Variants in SMYD3 observed in about 807,000 individuals in gnomAD.
SMYD3 encodes the protein histone-lysine N-methyltransferase SMYD3.
SMYD3 carries 36 observed loss-of-function variants against 57.7 expected under a neutral mutation model. The ratio of observed to expected loss-of-function variants is 0.62; its 90% CI spans 0.48 to 0.82. The LOEUF is 0.82. Ranked by LOEUF, SMYD3 falls within the 40% of genes least tolerant of loss-of-function variation. The pLI is 0.00. For synonymous variants in SMYD3, 211 were observed against 195.0 expected, an observed-to-expected ratio of 1.08 and a Z score of -0.68; for missense variants, 515 against 538.8, an observed-to-expected ratio of 0.96 and a Z score of 0.44.
At chr1:246,024,406 AG>A (rs66521309) in intron 5 of SMYD3, among the ~76,000 whole-genome samples, 1 of 7,454 alleles carries the variant, frequency 1.3e-4, no homozygotes. Context: ...GCATCTAGGA[AG>A]GAGATACAGG....
intron 5 of SMYD3, among the ~76,000 whole-genome samples, chr1:246,298,878 T>TA (rs928828472): frequency 3.3e-5 from 5 of 151,952 alleles, no homozygotes; most frequent in Non-Finnish European, 5.9e-5. Context: ...ATCAAATAAC[T>TA]AAAAAATGAA....
At chr1:246,264,112 T>C (rs2148528719) in intron 5 of SMYD3, among the ~76,000 whole-genome samples, 1 of 152,296 alleles carries the variant, frequency 6.6e-6, no homozygotes, top group African/African-American at 2.4e-5. Flanking sequence ...AGATTTCGAA[T>C]ACAGACTTCT....
At chr1:246,031,581 T>C (rs935615561) in intron 5 of SMYD3, among the ~76,000 whole-genome samples, 3 of 151,474 alleles carry the variant, frequency 2.0e-5, no homozygotes, top group African/African-American at 7.3e-5. Context: ...ACTAAAAATA[T>C]AAAAAATTAG....
chr1:245,758,064 G>A (rs1376039909), intron 11 of SMYD3, among the ~76,000 whole-genome samples: 3 of 152,076 alleles, frequency 2.0e-5, no homozygotes, highest in South Asian at 4.1e-4. Flanking sequence ...ATGAACATGA[G>A]ATGTCATTCT....
chr1:246,394,720 A>T (rs2066630042), intron 1 of SMYD3, among the ~76,000 whole-genome samples: 1 of 151,370 alleles, frequency 6.6e-6, no homozygotes, highest in Non-Finnish European at 1.5e-5. Context: ...TCCCGAACCT[A>T]GCTATGCCTT....
At chr1:246,060,721 C>T (rs1424802109) in intron 5 of SMYD3, among the ~76,000 whole-genome samples, 1 of 152,104 alleles carries the variant, frequency 6.6e-6, no homozygotes, top group Non-Finnish European at 1.5e-5. Flanking sequence ...GGCATAATCA[C>T]TCAGCTCCCA....
chr1:246,086,672 C>T (rs1450652503), intron 5 of SMYD3, among the ~76,000 whole-genome samples: 3 of 151,666 alleles, frequency 2.0e-5, no homozygotes, highest in South Asian at 2.1e-4. Context: ...TATCTAGTTG[C>T]TACCATATGA....
intron 5 of SMYD3, among the ~76,000 whole-genome samples, chr1:246,146,493 C>T (rs943938690): frequency 5.3e-5 from 8 of 152,192 alleles, no homozygotes; most frequent in African/African-American, 1.9e-4. Flanking sequence ...CAACACCCAT[C>T]CTTCCTTCAG....
intron 1 of SMYD3, among the ~76,000 whole-genome samples, chr1:246,358,915 C>T (rs2065947895): frequency 6.6e-6 from 1 of 151,842 alleles, no homozygotes; most frequent in African/African-American, 2.4e-5. Context: ...ACTGGAGAAA[C>T]AAGAACAATC....
intron 1 of SMYD3, among the ~76,000 whole-genome samples, chr1:246,498,639 G>A (rs969078501): frequency 6.6e-6 from 1 of 150,672 alleles, no homozygotes; most frequent in South Asian, 2.1e-4. Flanking sequence ...GCTGAGGCAG[G>A]AGAATAGTGT....
chr1:245,876,603 C>T (rs2052499834), intron 8 of SMYD3, among the ~76,000 whole-genome samples: 1 of 152,204 alleles, frequency 6.6e-6, no homozygotes, highest in Admixed American at 6.5e-5. Flanking sequence ...AGTTTATTTA[C>T]AATAGACACA....
At chr1:245,777,020 C>G (rs1572307311) in intron 10 of SMYD3, among the ~76,000 whole-genome samples, 1 of 152,174 alleles carries the variant, frequency 6.6e-6, no homozygotes, top group Non-Finnish European at 1.5e-5. Flanking sequence ...CAGTTGCTGA[C>G]ACTTGCTCTA....
intron 5 of SMYD3, among the ~76,000 whole-genome samples, chr1:246,095,022 G>A (rs539737877): frequency 3.9e-5 from 6 of 152,006 alleles, no homozygotes; most frequent in African/African-American, 7.2e-5. Flanking sequence ...TCTTCTGCTC[G>A]GGCACCATCT....
intron 8 of SMYD3, among the ~76,000 whole-genome samples, chr1:245,911,857 T>C (rs924527765): frequency 6.6e-6 from 1 of 152,068 alleles, no homozygotes; most frequent in African/African-American, 2.4e-5. Flanking sequence ...TTACTGTATA[T>C]TTCAAAATAG....
At chr1:245,906,023 C>T (rs972602112) in intron 8 of SMYD3, among the ~76,000 whole-genome samples, 2 of 152,100 alleles carry the variant, frequency 1.3e-5, no homozygotes, top group African/African-American at 4.8e-5. Context: ...AATCTAAGAC[C>T]TCAAACTATA....
rs1006721414 is a variant in SMYD3 at position 245,912,850 on chromosome 1, T to C, written c.813+2680A>G. ...CCTTATCTGTCACCACACAGAAAAA[T>C]CAACCAAAATTAATTAACTACTGTG... On this transcript the variant is annotated intron_variant, in intron 8 of 11. Coordinates refer to ENST00000490107, the MANE Select transcript of SMYD3 (RefSeq NM_001167740.2). Among the ~76,000 whole-genome samples, 22 of 151,988 alleles carry C rather than the reference T, an allele frequency of 1.4e-4. 1 individual carries two copies. Among genetic ancestry groups the C allele is most frequent in the Admixed American group, 1.4e-3 (22 of 15,256 alleles).
Position 245,764,079 on chromosome 1 carries a change from G to A in SMYD3, c.1147C>T (p.Gln383Ter). 2 of 1,614,034 alleles carry A rather than the reference G, an allele frequency of 1.2e-6. No individual in the cohort carries two copies. The highest frequency in any genetic ancestry group is 1.7e-6 in the Non-Finnish European group (2 of 1,179,960). Residue 383 changes from glutamine to a stop codon, truncating the protein, a stop_gained, in exon 11 of 12, where the codon CAA becomes TAA. Coordinates refer to ENST00000490107, the MANE Select transcript of SMYD3 (RefSeq NM_001167740.2). LOFTEE classifies it high-confidence loss of function. ...VMKVGKLQLH[Q>*]GMFPQAMKNL... ...TTCATTGCTTGGGGAAACATGCCTT[G>A]ATGTAGCTGCAGTTTGCCAACTTTC... is the stretch of plus-strand genomic sequence containing the variant.
At chr1:245,932,467 T>A (rs1295819997) in intron 5 of SMYD3, among the ~76,000 whole-genome samples, 1 of 152,176 alleles carries the variant, frequency 6.6e-6, no homozygotes, top group African/African-American at 2.4e-5. Flanking sequence ...CACAACTGGA[T>A]CGTAAAATAC....
intron 5 of SMYD3, among the ~76,000 whole-genome samples, chr1:246,194,583 C>T (rs1363673538): frequency 6.6e-6 from 1 of 152,156 alleles, no homozygotes. Context: ...CACAGTTTTT[C>T]ACAGACATTA....
Sources: allele counts gnomAD v4.1 joint callset (sites outside exome capture counted in the v4.1 genomes callset), GRCh38; gene constraint gnomAD v4.1.1; transcripts MANE v1.5; gene names NCBI Gene and HGNC (gene_info 2026-07-23, HGNC 2026-07-21).